TBC1D16: variants seen among roughly 807,000 people sequenced by gnomAD.
The protein encoded by TBC1D16 is TBC1 domain family member 16.
TBC1D16 carries 58 observed loss-of-function variants against 74.7 expected under a neutral mutation model. That is an observed-to-expected ratio of 0.78 (90% CI 0.63 to 0.97). TBC1D16 has a LOEUF of 0.97. Ranked by LOEUF, TBC1D16 falls within the 50% of genes least tolerant of loss-of-function variation. The pLI is 0.00. For synonymous variants in TBC1D16, 493 were observed against 474.7 expected (o/e 1.04, Z -0.50); for missense variants, 1,014 against 1,079.5 (o/e 0.94, Z 0.85).
intron 3 of TBC1D16, among the ~76,000 whole-genome samples, chr17:79,962,084 A>C (rs2033639605): frequency 6.6e-6 from 1 of 152,058 alleles, no homozygotes; most frequent in Admixed American, 6.6e-5. Flanking sequence ...ATTTACATAA[A>C]ATTCTAGAAA....
At chr17:79,969,767 C>T (rs925439689) in intron 3 of TBC1D16, among the ~76,000 whole-genome samples, 3 of 151,926 alleles carry the variant, frequency 2.0e-5, no homozygotes, top group Admixed American at 6.6e-5. Flanking sequence ...TATGGTGAAA[C>T]CCCATCTCTA....
chr17:80,017,382 T>A (rs1403280858), intron 1 of TBC1D16, among the ~76,000 whole-genome samples: 1 of 151,992 alleles, frequency 6.6e-6, no homozygotes, highest in African/African-American at 2.4e-5. Flanking sequence ...TTCAACCCCC[T>A]TAAAAAACGT....
At chr17:80,032,306 C>T (rs752160969) in intron 1 of TBC1D16, among the ~76,000 whole-genome samples, 5 of 152,200 alleles carry the variant, frequency 3.3e-5, no homozygotes, top group South Asian at 4.1e-4. Context: ...ACAGACTCAC[C>T]GCCCAAGGCT....
chr17:80,021,325 G>T (rs1197882429), intron 1 of TBC1D16, among the ~76,000 whole-genome samples: 2 of 148,224 alleles, frequency 1.3e-5, no homozygotes, highest in Non-Finnish European at 2.9e-5. Context: ...TTAGCTGGGG[G>T]TGGTGGTGTG....
rs183520485 is a variant in TBC1D16 at position 79,959,605 on chromosome 17, A to G, written c.780-6787T>C. Among the ~76,000 whole-genome samples, 14 of 152,366 alleles carry G rather than the reference A, an allele frequency of 9.2e-5. 1 individual carries two copies. In the East Asian group the frequency reaches 2.3e-3, roughly 25 times the overall value. On this transcript the variant is annotated intron_variant, in intron 3 of 11. Coordinates refer to ENST00000310924, the MANE Select transcript of TBC1D16 (RefSeq NM_019020.4). ...GATTATTTACAAAAGTGCAAAGACA[A>G]TTCAGTGGAGAAAGGATGGCTTTTC...
In TBC1D16 at chr17:79,987,260, A is replaced by G. The variant is rs541333167; in HGVS notation, c.779+22900T>C. Reference sequence around the variant, plus strand: ...GGAATTTTTTTTTTACTTTTTTTTCAGACTGGGTCTTGCTCTGTCACCCAG... The same window carrying G: ...GGAATTTTTTTTTTACTTTTTTTTCGGACTGGGTCTTGCTCTGTCACCCAG... On this transcript the variant is annotated intron_variant, in intron 3 of 11. Transcript: ENST00000310924. This position sits in a 1 kb window ranked among gnomAD's most constrained non-coding sequence, Gnocchi z 5.2. Among the ~76,000 whole-genome samples, 279 of 151,680 alleles carry G rather than the reference A, an allele frequency of 1.8e-3. No homozygotes were observed. The highest frequency in any genetic ancestry group is 6.6e-3 in the African/African-American group (273 of 41,350).
At chr17:80,006,139 G>A (rs968772174) in intron 3 of TBC1D16, among the ~76,000 whole-genome samples, 3 of 152,170 alleles carry the variant, frequency 2.0e-5, no homozygotes, top group Non-Finnish European at 2.9e-5. Context: ...GTCATCTGGG[G>A]TCCTCGGCCC....
Position 79,949,827 on chromosome 17 carries a change from C to T in TBC1D16, c.1296G>A (p.Gly432=). The change falls in exon 7 of 12, where the codon GGG becomes GGA. Residue 432 remains glycine, a synonymous_variant. Transcript: ENST00000310924. ...AGCGCAGCAGGAAGGGCCAGACCTC[C>T]CCGCGGATTGACACATCAATACCGC... ...FFGGIDVSIR[G]EVWPFLLRYY... 1 of 1,613,754 alleles carries T rather than the reference C, an allele frequency of 6.2e-7. No homozygotes were observed. The highest frequency in any genetic ancestry group is 8.5e-7 in the Non-Finnish European group (1 of 1,179,958).
At chr17:80,014,614 C>A (rs1169631016) in intron 1 of TBC1D16, among the ~76,000 whole-genome samples, 3 of 152,014 alleles carry the variant, frequency 2.0e-5, no homozygotes, top group Admixed American at 1.3e-4. Context: ...GGAGCTGTCA[C>A]CAGTCCTGTC....
At chr17:79,947,961 C>T in intron 8 of TBC1D16, 130 bp from the exon 9 acceptor site, 2 of 727,420 alleles carry the variant, frequency 2.7e-6, no homozygotes, top group Non-Finnish European at 4.5e-6. Flanking sequence ...GGCAGCTGTG[C>T]CACCATCTCA....
chr17:79,982,021 A>C (rs1490079825), intron 3 of TBC1D16, among the ~76,000 whole-genome samples: 1 of 152,260 alleles, frequency 6.6e-6, no homozygotes, highest in African/African-American at 2.4e-5. Context: ...CCAGGGCCTT[A>C]GCCCTGTCGG....
At chr17:79,942,453 G>T (rs1048839587) in intron 10 of TBC1D16, among the ~76,000 whole-genome samples, 1 of 148,458 alleles carries the variant, frequency 6.7e-6, no homozygotes, top group Non-Finnish European at 1.5e-5. Context: ...CAGAGGGGAC[G>T]ATGCTGAGCT....
rs576919181 is a variant in TBC1D16, at chr17:79,994,948, T to TA, written c.779+15211dup. Among the ~76,000 whole-genome samples the TA allele has an allele frequency of 2.4e-4, 36 of 152,308 alleles. No individual in the cohort carries two copies. The highest frequency in any genetic ancestry group is 8.7e-4 in the African/African-American group (36 of 41,560). On this transcript the variant is annotated intron_variant, in intron 3 of 11. Transcript: ENST00000310924. This position sits in a 1 kb window ranked among gnomAD's most constrained non-coding sequence, Gnocchi z 4.6. ...ATGATACTATTTTGAACAAGCTGGG[T>TA]AATTTACAAAAATTTTCACCTTTTT...
intron 3 of TBC1D16, among the ~76,000 whole-genome samples, chr17:79,959,679 T>C (rs563375983): frequency 1.3e-5 from 2 of 152,252 alleles, no homozygotes; most frequent in East Asian, 3.9e-4. Flanking sequence ...AAAATTAACA[T>C]CAACTCTTTT....
chr17:79,951,752 C>T (rs1173946401), intron 4 of TBC1D16, among the ~76,000 whole-genome samples, 155 bp from the exon 5 acceptor site: 1 of 152,196 alleles, frequency 6.6e-6, no homozygotes, highest in African/African-American at 2.4e-5. Flanking sequence ...GGGGACAGAA[C>T]TACACCGAAC....
At position 79,979,074 on chromosome 17, in the gene TBC1D16, A is replaced by G. The variant is rs993657823; in HGVS notation, c.780-26256T>C. The stretch of plus-strand genomic sequence containing the variant: ...ATAGGAGCTTAACGTGGGCAAACCA[A>G]TGAGATGATTCTAAACCAAAGCGCC... On this transcript the variant is annotated intron_variant, in intron 3 of 11. Transcript: ENST00000310924. The surrounding 1 kb of genome is among the most constrained non-coding windows in gnomAD (Gnocchi z 4.8). Among the ~76,000 whole-genome samples the G allele has an allele frequency of 2.0e-5, 3 of 152,212 alleles. No individual in the cohort carries two copies. In the East Asian group the frequency reaches 5.8e-4, roughly 29 times the overall value.
At chr17:79,969,027 C>G (rs1191525152) in intron 3 of TBC1D16, among the ~76,000 whole-genome samples, 1 of 152,078 alleles carries the variant, frequency 6.6e-6, no homozygotes, top group African/African-American at 2.4e-5. Context: ...ATAGACATAT[C>G]TCCAATGAAG....
chr17:80,018,733 C>T (rs1034816409), intron 1 of TBC1D16, among the ~76,000 whole-genome samples: 3 of 149,238 alleles, frequency 2.0e-5, no homozygotes, highest in Non-Finnish European at 4.4e-5. Context: ...CCCAAATAGC[C>T]TGGACTAAAG....
At chr17:79,949,629 A>G in intron 7 of TBC1D16, 88 bp downstream of exon 7, 1 of 1,472,516 alleles carries the variant, frequency 6.8e-7, no homozygotes, top group East Asian at 2.3e-5. Flanking sequence ...ACATATTATC[A>G]ATGCTGAATT....
Sources: allele counts gnomAD v4.1 joint callset (sites outside exome capture counted in the v4.1 genomes callset), GRCh38; gene constraint gnomAD v4.1.1; non-coding constraint Gnocchi (gnomAD v3.1); transcripts MANE v1.5; gene names NCBI Gene and HGNC (gene_info 2026-07-23, HGNC 2026-07-21).